SPMIP2: variants seen among roughly 807,000 people sequenced by gnomAD.
SPMIP2 encodes the protein sperm microtubule inner protein 2.
the SPMIP2 span, among the ~76,000 whole-genome samples, chr4:158,979,027 C>T: frequency 6.6e-6 from 1 of 152,116 alleles, no homozygotes; most frequent in African/African-American, 2.4e-5. Flanking sequence ...TCTATAAGCC[C>T]CTGACTGGGG....
the SPMIP2 span, among the ~76,000 whole-genome samples, chr4:158,924,024 G>A: frequency 1.2e-4 from 19 of 152,136 alleles, no homozygotes; most frequent in African/African-American, 3.9e-4. Flanking sequence ...GTCCTTATAA[G>A]AAGAGAAAGA....
chr4:158,914,941 C>T, the SPMIP2 span, among the ~76,000 whole-genome samples: 1 of 152,164 alleles, frequency 6.6e-6, no homozygotes. Flanking sequence ...ATAAGAAATT[C>T]TGAGGACACA....
At chr4:159,031,058 A>G in the SPMIP2 span, among the ~76,000 whole-genome samples, 2 of 152,188 alleles carry the variant, frequency 1.3e-5, no homozygotes, top group African/African-American at 4.8e-5. Context: ...GATTAAATCA[A>G]TCTTTTGTTT....
At chr4:159,051,110 G>GAA in the SPMIP2 span, among the ~76,000 whole-genome samples, 1,250 of 111,182 alleles carry the variant, frequency 0.011, 19 homozygotes, top group African/African-American at 0.038. Flanking sequence ...CTCCGTCTCA[G>GAA]AAAAAAAAAA....
At chr4:159,068,412 A>G in the SPMIP2 span, among the ~76,000 whole-genome samples, 5 of 152,002 alleles carry the variant, frequency 3.3e-5, no homozygotes, top group Admixed American at 3.3e-4. Context: ...TCACAAGGAC[A>G]AAAAACCAAA....
At chr4:159,030,352 G>C in the SPMIP2 span, among the ~76,000 whole-genome samples, 1 of 151,984 alleles carries the variant, frequency 6.6e-6, no homozygotes, top group Non-Finnish European at 1.5e-5. Flanking sequence ...GGTCAAGGCT[G>C]CAGTAAGCCA....
the SPMIP2 span, among the ~76,000 whole-genome samples, chr4:159,051,451 T>C: frequency 6.6e-6 from 1 of 152,236 alleles, no homozygotes. Flanking sequence ...TGGTACTTCG[T>C]ACACAATAGA....
chr4:158,995,909 C>T, the SPMIP2 span, among the ~76,000 whole-genome samples: 1 of 146,434 alleles, frequency 6.8e-6, no homozygotes, highest in African/African-American at 2.5e-5. Context: ...TCATGGCAGA[C>T]ATTATTATTC....
At chr4:158,973,171 A>AT in the SPMIP2 span, 1 of 1,613,388 alleles carries the variant, frequency 6.2e-7, no homozygotes, top group Non-Finnish European at 8.5e-7. Context: ...TCATGTTTAT[A>AT]TTTTGCTGGC....
the SPMIP2 span, among the ~76,000 whole-genome samples, chr4:159,076,758 C>T: frequency 1.5e-3 from 233 of 152,206 alleles, no homozygotes; most frequent in African/African-American, 5.3e-3. Flanking sequence ...GCCTCAAACT[C>T]CTGGGCTCAA....
At chr4:158,981,806 C>CAA in the SPMIP2 span, among the ~76,000 whole-genome samples, 1 of 77,304 alleles carries the variant, frequency 1.3e-5, no homozygotes, top group Non-Finnish European at 2.4e-5. Flanking sequence ...AACTAATGGG[C>CAA]AAAAAAAAAA....
the SPMIP2 span, among the ~76,000 whole-genome samples, chr4:158,977,487 CTTCT>C: frequency 6.7e-6 from 1 of 149,974 alleles, no homozygotes; most frequent in African/African-American, 2.5e-5. Context: ...TCTCTCCTTT[CTTCT>C]TTATTAGTCT....
chr4:158,949,522 C>T, the SPMIP2 span, among the ~76,000 whole-genome samples: 2 of 152,204 alleles, frequency 1.3e-5, no homozygotes, highest in East Asian at 1.9e-4. Context: ...GAAGCTGGGA[C>T]TTGAATTCAG....
the SPMIP2 span, chr4:158,895,933 G>T: frequency 8.4e-7 from 1 of 1,186,614 alleles, no homozygotes; most frequent in Non-Finnish European, 1.2e-6. Context: ...CCACTAACGT[G>T]TTTAGCCTGT....
chr4:158,981,920 C>G, the SPMIP2 span, among the ~76,000 whole-genome samples: 1 of 148,676 alleles, frequency 6.7e-6, no homozygotes, highest in Admixed American at 6.7e-5. Context: ...AATTAAAAGA[C>G]ACAAGACTGG....
At chr4:158,987,273 C>T in the SPMIP2 span, among the ~76,000 whole-genome samples, 1 of 151,934 alleles carries the variant, frequency 6.6e-6, no homozygotes, top group African/African-American at 2.4e-5. Context: ...CCAGCCATCC[C>T]ATTACTGGGT....
chr4:158,973,132 G>A, the SPMIP2 span: 1 of 1,611,242 alleles, frequency 6.2e-7, no homozygotes. Flanking sequence ...TTATACTGTG[G>A]TATTCTCCAA....
the SPMIP2 span, among the ~76,000 whole-genome samples, chr4:158,961,710 CATA>C: frequency 6.6e-6 from 1 of 152,078 alleles, no homozygotes; most frequent in African/African-American, 2.4e-5. Context: ...TTCTCAGAAA[CATA>C]ATAACACATC....
chr4:158,988,690 C>A, the SPMIP2 span, among the ~76,000 whole-genome samples: 1 of 152,104 alleles, frequency 6.6e-6, no homozygotes, highest in South Asian at 2.1e-4. Flanking sequence ...ATTCAACAGC[C>A]CTTTATGCTA....
Sources: gnomAD v4.1 joint callset for allele counts (sites outside exome capture counted in the v4.1 genomes callset) on GRCh38, gnomAD v4.1.1 for gene constraint, MANE v1.5 for transcripts, NCBI Gene and HGNC (gene_info 2026-07-23, HGNC 2026-07-21) for gene names.